STK4: variants seen among roughly 807,000 people sequenced by gnomAD.
STK4 encodes serine/threonine kinase 4, also known as serine/threonine-protein kinase 4.
In STK4, 30 loss-of-function variants were observed where a neutral mutation model predicts 64.9. The ratio of observed to expected loss-of-function variants is 0.46; its 90% confidence interval spans 0.35 to 0.63. STK4 has a LOEUF of 0.63. Among genes scored for constraint, STK4 ranks in the 20% least tolerant of loss-of-function variants. The pLI is 0.01. For missense variants in STK4, 466 were observed against 598.5 expected (o/e 0.78, Z 2.31); for synonymous variants, 177 against 199.0 (o/e 0.89, Z 0.93).
chr20:44,970,909 G>GTGTA (rs1298637411), intron 1 of STK4, among the ~76,000 whole-genome samples: 2 of 151,404 alleles, frequency 1.3e-5, no homozygotes, highest in African/African-American at 4.8e-5. Flanking sequence ...GTGTGTGTGT[G>GTGTA]TGTATGTGTG....
At chr20:45,038,181 C>T (rs2068556666) in intron 10 of STK4, among the ~76,000 whole-genome samples, 1 of 152,066 alleles carries the variant, frequency 6.6e-6, no homozygotes, top group African/African-American at 2.4e-5. Flanking sequence ...CAACAATCAT[C>T]AAGTCAGCTA....
At chr20:44,986,266 C>A (rs899110996) in intron 4 of STK4, among the ~76,000 whole-genome samples, 2 of 152,104 alleles carry the variant, frequency 1.3e-5, no homozygotes, top group African/African-American at 4.8e-5. Flanking sequence ...TAAGAAAGCC[C>A]TCTCCATTTT....
intron 5 of STK4, among the ~76,000 whole-genome samples, chr20:44,993,415 A>G (rs958051461): frequency 6.6e-6 from 1 of 152,196 alleles, no homozygotes; most frequent in African/African-American, 2.4e-5. Context: ...TAGCTATCCA[A>G]GTAACCATTT....
At chr20:45,053,187 G>T (rs1469626848) in intron 10 of STK4, 1 of 1,608,466 alleles carries the variant, frequency 6.2e-7, no homozygotes, top group Admixed American at 1.7e-5. Flanking sequence ...CATGGTAAAT[G>T]AATGTCATCT....
intron 5 of STK4, among the ~76,000 whole-genome samples, chr20:44,989,212 C>T (rs753423838): frequency 5.3e-5 from 8 of 152,148 alleles, no homozygotes; most frequent in Admixed American, 1.3e-4. Context: ...AGTGGCTCAC[C>T]ATTTTGTGTT....
intron 1 of STK4, among the ~76,000 whole-genome samples, chr20:44,969,399 T>A (rs1371136736): frequency 1.3e-5 from 2 of 152,204 alleles, no homozygotes; most frequent in Non-Finnish European, 2.9e-5. Flanking sequence ...ATAGACACCA[T>A]TACTTGTGTT....
chr20:45,000,600 G>C, intron 8 of STK4, 80 bp downstream of exon 8: 4 of 1,581,766 alleles, frequency 2.5e-6, no homozygotes, highest in Non-Finnish European at 3.4e-6. Context: ...AGATGAGTAG[G>C]AGGTATTGGA....
Position 45,074,921 on chromosome 20 carries a change from C to T in STK4, c.1306-97C>T, listed in dbSNP as rs2145491206. 3 of 1,465,100 alleles carry T rather than the reference C, an allele frequency of 2.0e-6. No individual in the cohort carries two copies. In the East Asian group the frequency reaches 6.9e-5, roughly 34 times the overall value. 90.8% of individuals were successfully genotyped at this position (1,465,100 alleles called of 1,614,324 possible). ...TCTGACCACAGTGTCTTCCTCCTGT[C>T]TCCCTTCCCTCTGGGTGCCTGGGAA... On this transcript the variant is annotated intron_variant, in intron 10 of 10. Transcript: ENST00000372806.
chr20:45,066,967 A>T (rs1371777372), intron 10 of STK4, among the ~76,000 whole-genome samples: 1 of 152,152 alleles, frequency 6.6e-6, no homozygotes, highest in African/African-American at 2.4e-5. Context: ...CTGTCATCTG[A>T]TGAGAGATTA....
chr20:45,018,613 A>G (rs1444255702), intron 9 of STK4, among the ~76,000 whole-genome samples: 1 of 152,150 alleles, frequency 6.6e-6, no homozygotes, highest in Non-Finnish European at 1.5e-5. Flanking sequence ...TACACACCAT[A>G]CAATTTGTTC....
At chr20:45,025,487 T>C (rs2068328382) in intron 10 of STK4, among the ~76,000 whole-genome samples, 1 of 152,236 alleles carries the variant, frequency 6.6e-6, no homozygotes, top group African/African-American at 2.4e-5. Flanking sequence ...GACACTGTTT[T>C]GTGGTGTCCT....
At chr20:44,998,887 A>G (rs1189797654) in intron 7 of STK4, among the ~76,000 whole-genome samples, 1 of 152,112 alleles carries the variant, frequency 6.6e-6, no homozygotes, top group Non-Finnish European at 1.5e-5. Flanking sequence ...CCTGGCCAAC[A>G]TGGTGAATCC....
chr20:44,970,018 C>G (rs887217151), intron 1 of STK4, among the ~76,000 whole-genome samples: 1 of 151,978 alleles, frequency 6.6e-6, no homozygotes, highest in Non-Finnish European at 1.5e-5. Context: ...TTATCAGGCA[C>G]CAGAGATGTA....
chr20:45,064,071 G>T (rs1568768006), intron 10 of STK4, among the ~76,000 whole-genome samples: 1 of 151,096 alleles, frequency 6.6e-6, no homozygotes, highest in Non-Finnish European at 1.5e-5. Flanking sequence ...GCCTCCCAAA[G>T]TGCTGGGATT....
chr20:45,016,259 T>C (rs1466198646), intron 9 of STK4, among the ~76,000 whole-genome samples: 3 of 152,222 alleles, frequency 2.0e-5, no homozygotes, highest in Non-Finnish European at 4.4e-5. Context: ...AGGGCCAGAC[T>C]TTAGATACAC....
At chr20:44,984,816 C>G (rs1341595729) in intron 4 of STK4, among the ~76,000 whole-genome samples, 2 of 150,822 alleles carry the variant, frequency 1.3e-5, no homozygotes, top group African/African-American at 2.4e-5. Context: ...GAGTCTTGCT[C>G]TGTTGCCCAG....
intron 1 of STK4, among the ~76,000 whole-genome samples, chr20:44,971,006 A>G (rs1338255827): frequency 2.1e-5 from 3 of 146,338 alleles, no homozygotes; most frequent in East Asian, 2.0e-4. Context: ...CAGTGTGACT[A>G]CTTCCATATT....
At position 44,997,271 on chromosome 20, in the gene STK4, C is replaced by A. The variant is rs143845252; in HGVS notation, c.796C>A (p.Pro266Thr). 1.7e-5 allele frequency: 27 copies of A among 1,612,078 alleles called. No individual in the cohort carries two copies. Among genetic ancestry groups the A allele is most frequent in the Non-Finnish European group, 2.2e-5 (26 of 1,179,228 alleles). Residue 266 changes from proline (P) to threonine (T), a missense_variant, in exon 7 of 11, where the codon CCT becomes ACT. By Grantham distance (38) the Pro-to-Thr change is conservative. Transcript: ENST00000372806. The stretch of plus-strand genomic sequence containing the variant: ...TGTGAAACAGTGTCTTGTAAAGAGC[C>A]CTGAGCAGAGGGCCACAGCCACTCA... ...DFVKQCLVKS[P>T]EQRATATQLL...
intron 9 of STK4, among the ~76,000 whole-genome samples, chr20:45,008,151 T>C (rs2067983020): frequency 6.6e-6 from 1 of 152,152 alleles, no homozygotes; most frequent in South Asian, 2.1e-4. Flanking sequence ...GCCTCCCAGG[T>C]TCAAGCAATT....
Sources: gnomAD v4.1 joint callset for allele counts (sites outside exome capture counted in the v4.1 genomes callset) on GRCh38, gnomAD v4.1.1 for gene constraint, MANE v1.5 for transcripts, NCBI Gene and HGNC (gene_info 2026-07-23, HGNC 2026-07-21) for gene names.